Variants in METAP1 observed in about 807,000 individuals in gnomAD.
METAP1 encodes the protein methionine aminopeptidase 1.
Under a neutral mutation model 53.8 loss-of-function variants are expected in METAP1, and 28 were observed. The observed-to-expected ratio is 0.52, with a 90% CI of 0.39 to 0.71. METAP1 has a LOEUF of 0.71. Ranked by LOEUF, METAP1 falls within the 30% of genes least tolerant of loss-of-function variation. The pLI, the probability that METAP1 is intolerant of heterozygous loss-of-function variation, is 0.00. For missense variants in METAP1, 389 were observed against 479.8 expected, an observed-to-expected ratio of 0.81 and a Z score of 1.77; for synonymous variants, 181 against 165.7, an observed-to-expected ratio of 1.09 and a Z score of -0.71.
At chr4:99,045,376 C>T (rs533823449) in intron 8 of METAP1, 66 bp downstream of exon 8, 3 of 1,574,918 alleles carry the variant, frequency 1.9e-6, no homozygotes, top group Non-Finnish European at 2.6e-6. Context: ...TGACTGGGCG[C>T]TGCAGTTCTG....
chr4:99,055,474 C>T (rs1446737037), intron 9 of METAP1, among the ~76,000 whole-genome samples: 1 of 151,870 alleles, frequency 6.6e-6, no homozygotes, highest in Non-Finnish European at 1.5e-5. Context: ...ACAAGGCATG[C>T]CTGCATATTA....
chr4:98,997,128 A>G (rs1199749165), intron 1 of METAP1, among the ~76,000 whole-genome samples: 1 of 152,250 alleles, frequency 6.6e-6, no homozygotes, highest in Non-Finnish European at 1.5e-5. Context: ...AAATAAAAAT[A>G]TGAATAAGAA....
At chr4:99,031,628 T>C in intron 2 of METAP1, 1 of 1,243,392 alleles carries the variant, frequency 8.0e-7, no homozygotes, top group Non-Finnish European at 1.1e-6. Flanking sequence ...AATAAAGAAA[T>C]CCATGAGAAG....
intron 1 of METAP1, chr4:99,025,476 T>G (rs541208587): frequency 1.0e-6 from 1 of 980,234 alleles, no homozygotes; most frequent in African/African-American, 1.8e-5. Flanking sequence ...CATAGCAAAT[T>G]CCCAGAGATT....
intron 1 of METAP1, among the ~76,000 whole-genome samples, chr4:99,013,088 C>G (rs1488208579): frequency 1.3e-5 from 2 of 151,998 alleles, no homozygotes; most frequent in African/African-American, 4.8e-5. Context: ...GTTGAAGTTC[C>G]CTTGTGACTT....
intron 1 of METAP1, among the ~76,000 whole-genome samples, chr4:99,002,455 G>A (rs1722968447): frequency 6.6e-6 from 1 of 152,172 alleles, no homozygotes; most frequent in East Asian, 1.9e-4. Flanking sequence ...TCATGCTTGG[G>A]CAGGTAGTGC....
rs536469264 is a variant in METAP1 at position 99,006,322 on chromosome 4, A to G, written c.114+10455A>G. ...TTTTCCTTGAATTTTTTATAATTTT[A>G]CTGAGTTTCTCTAGCTTTTTACTGT... On this transcript the variant is annotated intron_variant, in intron 1 of 10. Coordinates refer to ENST00000296411, the MANE Select transcript of METAP1 (RefSeq NM_015143.3). Among the ~76,000 whole-genome samples, 5 of 152,352 alleles carry G rather than the reference A, an allele frequency of 3.3e-5. No homozygotes were observed. The East Asian group carries it at 7.7e-4, about 23-fold the overall frequency.
intron 10 of METAP1, among the ~76,000 whole-genome samples, chr4:99,058,307 C>T (rs888923730): frequency 6.6e-6 from 1 of 152,120 alleles, no homozygotes; most frequent in Non-Finnish European, 1.5e-5. Context: ...TGTAACTTAG[C>T]TTGTTACTTG....
intron 1 of METAP1, among the ~76,000 whole-genome samples, chr4:99,007,043 A>G (rs1458072103): frequency 6.6e-6 from 1 of 151,206 alleles, no homozygotes; most frequent in Non-Finnish European, 1.5e-5. Context: ...CTACAGCCTC[A>G]ACCTCCTGAG....
chr4:99,022,899 G>T, intron 1 of METAP1: 1 of 1,511,876 alleles, frequency 6.6e-7, no homozygotes, highest in Non-Finnish European at 8.9e-7. Flanking sequence ...CCAGTCCTCA[G>T]CCTGAAAGAA....
chr4:99,012,920 T>C (rs1723559570), intron 1 of METAP1, among the ~76,000 whole-genome samples: 1 of 152,138 alleles, frequency 6.6e-6, no homozygotes, highest in Non-Finnish European at 1.5e-5. Flanking sequence ...GTTCAAAGAT[T>C]TTCTGATTAG....
chr4:99,013,877 G>A (rs1237868834), intron 1 of METAP1, among the ~76,000 whole-genome samples: 1 of 152,184 alleles, frequency 6.6e-6, no homozygotes, highest in Non-Finnish European at 1.5e-5. Flanking sequence ...TGATAAATCT[G>A]TATGGATTTA....
intron 1 of METAP1, among the ~76,000 whole-genome samples, chr4:99,004,772 A>G (rs1723101986): frequency 6.6e-6 from 1 of 152,208 alleles, no homozygotes; most frequent in South Asian, 2.1e-4. Flanking sequence ...CAAAATGATT[A>G]CATGTATTCT....
At position 99,061,464 on chromosome 4, in the gene METAP1, C is replaced by T; in HGVS notation, c.*147C>T. On this transcript the variant is annotated 3_prime_UTR_variant, in exon 11 of 11. Transcript: ENST00000296411. ...GACTACAGCATTTGATGTGTGTCCT[C>T]AAGAACTTGTCTTGGGTCTGAAAAA... is the stretch of plus-strand genomic sequence containing the variant. The T allele has an allele frequency of 1.5e-6, 1 of 657,192 alleles. No homozygotes were observed. The highest frequency in any genetic ancestry group is 2.4e-6 in the Non-Finnish European group (1 of 424,180). The allele number at this position is 657,192 out of a possible 1,614,324, so 40.7% of individuals were successfully genotyped here. A position where few individuals can be genotyped will look rare whatever the true frequency, so the allele number is the denominator to read the frequency against.
intron 5 of METAP1, 68 bp from the exon 6 acceptor site, chr4:99,040,975 A>G (rs1340781615): frequency 3.1e-6 from 3 of 957,972 alleles, no homozygotes; most frequent in African/African-American, 1.6e-5. Context: ...CCACAGTCAA[A>G]CAGTAGAAAG....
At chr4:99,005,697 C>A (rs62323244) in intron 1 of METAP1, 7,536 of 316,366 alleles carry the variant, frequency 0.024, 121 homozygotes, top group Non-Finnish European at 0.032. Context: ...GTGGATAAAG[C>A]AAATTTGATA....
chr4:99,057,752 G>C lies in METAP1; in HGVS notation c.932-1G>C. 1 of 1,581,558 alleles carries C rather than the reference G, an allele frequency of 6.3e-7. No homozygotes were observed. The highest frequency in any genetic ancestry group is 8.6e-7 in the Non-Finnish European group (1 of 1,163,050). On this transcript the variant is annotated splice_acceptor_variant, in intron 9 of 10. Coordinates refer to ENST00000296411, the MANE Select transcript of METAP1 (RefSeq NM_015143.3). LOFTEE classifies it high-confidence loss of function. ...TTTGAGATTTTTTTCTTTGATTTCA[G>C]AAAATAAAGCAGTTGGAGTGATGAA...
intron 1 of METAP1, among the ~76,000 whole-genome samples, chr4:99,015,999 C>T (rs1239138533): frequency 2.6e-5 from 4 of 152,226 alleles, no homozygotes; most frequent in East Asian, 1.9e-4. Context: ...GTGCGAACTG[C>T]GGTTTCGATG....
At chr4:99,006,953 T>C (rs560091900) in intron 1 of METAP1, among the ~76,000 whole-genome samples, 13 of 151,716 alleles carry the variant, frequency 8.6e-5, no homozygotes, top group Non-Finnish European at 1.9e-4. Context: ...CTGTTAGATT[T>C]GTGAAACACT....
Sources: allele counts gnomAD v4.1 joint callset (sites outside exome capture counted in the v4.1 genomes callset), GRCh38; gene constraint gnomAD v4.1.1; transcripts MANE v1.5; gene names NCBI Gene and HGNC (gene_info 2026-07-23, HGNC 2026-07-21).